The following MALRD1 variants were observed in gnomAD, a reference collection of about 807,000 sequenced individuals.
MALRD1 encodes the protein MAM and LDL receptor class A domain containing 1, also known as MAM and LDL-receptor class A domain-containing protein 1.
In MALRD1, 247 loss-of-function variants were observed where a neutral mutation model predicts 242.1. That is an observed-to-expected ratio of 1.02 (90% CI 0.92 to 1.13). The LOEUF (loss-of-function observed/expected upper bound fraction) is 1.13. Ranked by LOEUF, MALRD1 falls within the 50% of genes most tolerant of loss-of-function variation. The pLI, the probability that MALRD1 is intolerant of heterozygous loss-of-function variation, is 0.00. For missense variants in MALRD1, 2,989 were observed against 2,533.1 expected (o/e 1.18, Z -3.86); for synonymous variants, 995 against 866.6 (o/e 1.15, Z -2.60).
At chr10:19,437,086 G>T (rs571954326) in intron 28 of MALRD1, among the ~76,000 whole-genome samples, 2 of 72,182 alleles carry the variant, frequency 2.8e-5, no homozygotes, top group Non-Finnish European at 6.8e-5. Flanking sequence ...AGCAAAACGA[G>T]TGTGATTTTT....
At chr10:19,487,329 T>C (rs1354015849) in intron 29 of MALRD1, among the ~76,000 whole-genome samples, 1 of 149,546 alleles carries the variant, frequency 6.7e-6, no homozygotes, top group Non-Finnish European at 1.5e-5. Context: ...TTTGCTGTAT[T>C]CTTAAAAAAT....
intron 14 of MALRD1, among the ~76,000 whole-genome samples, chr10:19,201,415 A>G (rs543321875): frequency 3.2e-4 from 48 of 152,294 alleles, no homozygotes; most frequent in African/African-American, 1.0e-3. Flanking sequence ...TACCATTCGA[A>G]TATTCACTTA....
rs1846148325 is a variant in MALRD1 at position 19,387,739 on chromosome 10, A to G, written c.4653A>G (p.Arg1551=). 1.7e-5 allele frequency: 26 copies of G among 1,550,290 alleles called. No individual in the cohort carries two copies. Among genetic ancestry groups the G allele is most frequent in the Non-Finnish European group, 2.3e-5 (26 of 1,146,810 alleles). The change falls in exon 27 of 40, where the codon AGA becomes AGG. Residue 1551 remains arginine (R), a synonymous_variant. Transcript: ENST00000454679. ...VLGVGSHQSL[R]PPKDHTLGNE... is the part of the protein sequence containing the mutation. ...GGGTTGGCTCTCATCAAAGCTTAAG[A>G]CCTCCCAAAGACCACACACTTGGAA...
intron 19 of MALRD1, 72 bp from the exon 20 acceptor site, chr10:19,279,975 G>C: frequency 8.2e-7 from 1 of 1,212,454 alleles, no homozygotes; most frequent in Non-Finnish European, 1.1e-6. Context: ...AAGCTTCATT[G>C]TGTAAAATCT....
intron 19 of MALRD1, among the ~76,000 whole-genome samples, chr10:19,258,111 T>TA (rs1267154799): frequency 6.6e-6 from 1 of 152,196 alleles, no homozygotes; most frequent in Non-Finnish European, 1.5e-5. Context: ...TTGGATACTT[T>TA]ATTAACCTCT....
chr10:19,613,186 C>T (rs1838982404), intron 35 of MALRD1, among the ~76,000 whole-genome samples: 1 of 151,698 alleles, frequency 6.6e-6, no homozygotes, highest in Admixed American at 6.6e-5. Flanking sequence ...GAGGAAAAAC[C>T]CTGAACAGTG....
intron 38 of MALRD1, among the ~76,000 whole-genome samples, chr10:19,697,088 TTGTC>T (rs1218828438): frequency 6.6e-6 from 1 of 152,094 alleles, no homozygotes; most frequent in African/African-American, 2.4e-5. Context: ...ACTAGTGTAT[TTGTC>T]TGGCTTCTCC....
intron 18 of MALRD1, among the ~76,000 whole-genome samples, chr10:19,254,218 C>T (rs1464418779): frequency 1.3e-5 from 2 of 152,016 alleles, no homozygotes; most frequent in East Asian, 3.9e-4. Flanking sequence ...ATAAATGATA[C>T]AGGCTTTTGA....
rs1197584584 is a variant in MALRD1 at position 19,515,653 on chromosome 10, G to A, written c.5321-15541G>A. ...TAGCTCACTGCAAGCTCTGCCTCCCGGGTTCACGCCATTCTCCTGCCTCAG... is the reference window on the plus strand; with the variant it reads ...TAGCTCACTGCAAGCTCTGCCTCCCAGGTTCACGCCATTCTCCTGCCTCAG... On this transcript the variant is annotated intron_variant, in intron 31 of 39. Coordinates refer to ENST00000454679, the MANE Select transcript of MALRD1 (RefSeq NM_001142308.3). Among the ~76,000 whole-genome samples the A allele has an allele frequency of 2.6e-5, 4 of 151,986 alleles. No individual in the cohort carries two copies. The East Asian group carries it at 7.8e-4, about 29-fold the overall frequency.
intron 24 of MALRD1, among the ~76,000 whole-genome samples, chr10:19,335,371 C>G (rs1353646485): frequency 6.6e-6 from 1 of 151,942 alleles, no homozygotes; most frequent in Non-Finnish European, 1.5e-5. Context: ...AGAATTATTT[C>G]TTTTAACATA....
chr10:19,217,979 C>T (rs948440312), intron 18 of MALRD1, among the ~76,000 whole-genome samples: 16 of 152,044 alleles, frequency 1.1e-4, no homozygotes, highest in South Asian at 4.2e-4. Flanking sequence ...AATGATTGTA[C>T]TCCTAATTAG....
intron 38 of MALRD1, among the ~76,000 whole-genome samples, chr10:19,696,284 G>A (rs1257249559): frequency 1.3e-5 from 2 of 152,094 alleles, no homozygotes; most frequent in Non-Finnish European, 2.9e-5. Context: ...AGTAACAAAT[G>A]TGACTGGCTT....
chr10:19,268,531 G>A (rs1840060366), intron 19 of MALRD1, among the ~76,000 whole-genome samples: 1 of 152,010 alleles, frequency 6.6e-6, no homozygotes, highest in African/African-American at 2.4e-5. Context: ...CTTCAAATAC[G>A]CTTTTAGATT....
At chr10:19,713,216 C>T (rs1735087356) in intron 38 of MALRD1, among the ~76,000 whole-genome samples, 2 of 151,984 alleles carry the variant, frequency 1.3e-5, no homozygotes, top group African/African-American at 4.8e-5. Context: ...AATATTAGTC[C>T]AACTTTCTTA....
intron 14 of MALRD1, among the ~76,000 whole-genome samples, chr10:19,197,517 C>T (rs72786526): frequency 0.076 from 11,492 of 152,130 alleles, 493 homozygotes; most frequent in Middle Eastern, 0.11. Context: ...CCTTGTGACA[C>T]CCTGGTCTCT....
At chr10:19,538,324 TA>T (rs1334294262) in intron 32 of MALRD1, among the ~76,000 whole-genome samples, 2 of 152,186 alleles carry the variant, frequency 1.3e-5, no homozygotes, top group Non-Finnish European at 2.9e-5. Context: ...ATCCTTCAAT[TA>T]AAGGCTGAAG....
At chr10:19,353,582 TG>T (rs1844492578) in intron 26 of MALRD1, among the ~76,000 whole-genome samples, 1 of 152,208 alleles carries the variant, frequency 6.6e-6, no homozygotes, top group South Asian at 2.1e-4. Flanking sequence ...GCTCTTTGCC[TG>T]ACAGGCTTCT....
intron 18 of MALRD1, among the ~76,000 whole-genome samples, chr10:19,219,459 C>G (rs1837466774): frequency 6.6e-6 from 1 of 151,900 alleles, no homozygotes; most frequent in African/African-American, 2.4e-5. Flanking sequence ...TTTTTGAAGA[C>G]AAGTTCTCAC....
At chr10:19,290,807 A>C (rs1588861296) in intron 21 of MALRD1, among the ~76,000 whole-genome samples, 1 of 152,308 alleles carries the variant, frequency 6.6e-6, no homozygotes, top group Middle Eastern at 3.4e-3. Context: ...TGAGCCTTAT[A>C]GTTCACATTT....
Sources: allele counts gnomAD v4.1 joint callset (sites outside exome capture counted in the v4.1 genomes callset), GRCh38; gene constraint gnomAD v4.1.1; transcripts MANE v1.5; gene names NCBI Gene and HGNC (gene_info 2026-07-23, HGNC 2026-07-21).